Variants in PATJ observed in about 807,000 individuals in gnomAD.
The protein encoded by PATJ is inaD-like protein.
PATJ carries 190 observed loss-of-function variants against 224.9 expected under a neutral mutation model. The observed-to-expected ratio is 0.84, with a 90% CI of 0.75 to 0.95. PATJ has a LOEUF of 0.95. PATJ is among the 40% of genes least tolerant of loss of function. The pLI is 0.00. For missense variants in PATJ, 2,121 were observed against 2,270.3 expected (o/e 0.93, Z 1.34); for synonymous variants, 769 against 820.3 (o/e 0.94, Z 1.07).
intron 33 of PATJ, among the ~76,000 whole-genome samples, chr1:62,093,925 A>G (rs1398838015): frequency 6.6e-6 from 1 of 152,230 alleles, no homozygotes; most frequent in Admixed American, 6.5e-5. Flanking sequence ...GAGCTTAAGA[A>G]GAGAAAACTT....
chr1:62,043,136 C>G (rs552646249), intron 30 of PATJ, among the ~76,000 whole-genome samples: 1 of 152,132 alleles, frequency 6.6e-6, no homozygotes, highest in Non-Finnish European at 1.5e-5. Flanking sequence ...TTGGTAGAGG[C>G]AGTTAACCTC....
intron 13 of PATJ, among the ~76,000 whole-genome samples, chr1:61,806,953 A>G (rs191268620): frequency 1.1e-3 from 160 of 152,112 alleles, no homozygotes; most frequent in African/African-American, 3.8e-3. Context: ...GGAGTCTGAG[A>G]CCAGCCTGGC....
intron 33 of PATJ, among the ~76,000 whole-genome samples, chr1:62,099,047 C>T (rs1378675870): frequency 6.6e-6 from 1 of 152,054 alleles, no homozygotes; most frequent in Non-Finnish European, 1.5e-5. Context: ...TAATGCATAA[C>T]CATGTGTTTT....
intron 42 of PATJ, among the ~76,000 whole-genome samples, chr1:62,150,621 G>A (rs1440950224): frequency 1.4e-5 from 2 of 145,824 alleles, no homozygotes; most frequent in South Asian, 2.2e-4. Flanking sequence ...AGGCTGCAAC[G>A]GGCTGCAGTT....
At chr1:62,160,351 A>G (rs1387626734) in intron 43 of PATJ, among the ~76,000 whole-genome samples, 4 of 152,306 alleles carry the variant, frequency 2.6e-5, no homozygotes, top group African/African-American at 9.6e-5. Flanking sequence ...AATATATTAC[A>G]AAATTTTAGA....
chr1:62,106,531 G>A lies in PATJ; in HGVS notation c.4378-1906G>A, dbSNP rs1663072997. ...AGGTTTGGTGTGGGTGTGAGTGTGG[G>A]TAGGTGTGTGTATTTTGTCTATCTT... On this transcript the variant is annotated intron_variant, in intron 33 of 43. Coordinates refer to ENST00000642238, the MANE Select transcript of PATJ (RefSeq NM_001350145.3). 2.6e-5 allele frequency among the ~76,000 whole-genome samples: 4 copies of A among 151,908 alleles called. No homozygotes were observed. The South Asian group carries it at 6.3e-4, about 24-fold the overall frequency.
rs775754273 is a variant in PATJ, at chr1:62,116,578, G to C, written c.4702G>C (p.Ala1568Pro). The C allele has an allele frequency of 6.2e-7, 1 of 1,613,994 alleles. No individual in the cohort carries two copies. Among genetic ancestry groups the C allele is most frequent in the Admixed American group, 1.7e-5 (1 of 59,992 alleles). ...FISDIVKGGA[A>P]DLDGRLIQGD... Reference sequence around the variant, plus strand: ...TTCTGACATCGTGAAAGGCGGAGCCGCAGACCTGGATGGGAGATTGATTCA... The same window carrying C: ...TTCTGACATCGTGAAAGGCGGAGCCCCAGACCTGGATGGGAGATTGATTCA... The change falls in exon 36 of 44, where the codon GCA becomes CCA. Residue 1568 changes from alanine to proline, a missense_variant. Transcript: ENST00000642238.
intron 27 of PATJ, among the ~76,000 whole-genome samples, chr1:61,967,169 A>C (rs867348114): frequency 3.3e-5 from 5 of 152,148 alleles, no homozygotes; most frequent in African/African-American, 1.2e-4. Flanking sequence ...TTGCATGGAG[A>C]GGATTAAAAA....
At chr1:62,144,795 T>TAA (rs1198242988) in intron 41 of PATJ, among the ~76,000 whole-genome samples, 12 of 146,258 alleles carry the variant, frequency 8.2e-5, no homozygotes, top group Non-Finnish European at 1.5e-5. Context: ...TATATATATA[T>TAA]AATTAGCAGA....
At chr1:61,952,814 A>G (rs932521348) in intron 27 of PATJ, among the ~76,000 whole-genome samples, 13 of 152,234 alleles carry the variant, frequency 8.5e-5, no homozygotes, top group African/African-American at 2.9e-4. Context: ...TCACCATAAT[A>G]AAAAGGGAAG....
intron 3 of PATJ, among the ~76,000 whole-genome samples, chr1:61,763,982 T>TTGTG (rs1006547930): frequency 4.6e-5 from 7 of 150,588 alleles, no homozygotes; most frequent in Non-Finnish European, 1.0e-4. Flanking sequence ...AAGTCTTTTT[T>TTGTG]TGTGTGTGTG....
intron 26 of PATJ, 126 bp downstream of exon 26, chr1:61,914,790 T>C (rs1673212933): frequency 2.0e-6 from 1 of 503,134 alleles, no homozygotes. Context: ...ACTATATTTA[T>C]AATTTTTTTC....
At chr1:61,841,978 C>T (rs902556316) in intron 17 of PATJ, among the ~76,000 whole-genome samples, 24 of 152,114 alleles carry the variant, frequency 1.6e-4, no homozygotes, top group African/African-American at 5.8e-4. Flanking sequence ...AAAAATAATT[C>T]TTAGTGGTGT....
intron 33 of PATJ, among the ~76,000 whole-genome samples, chr1:62,096,140 C>T (rs1661370832): frequency 6.6e-6 from 1 of 152,110 alleles, no homozygotes; most frequent in Non-Finnish European, 1.5e-5. Context: ...TTTACCTGTT[C>T]AACTATGCAG....
intron 28 of PATJ, among the ~76,000 whole-genome samples, chr1:62,005,489 C>G (rs1466561054): frequency 6.7e-6 from 1 of 149,798 alleles, no homozygotes; most frequent in Non-Finnish European, 1.5e-5. Context: ...TTGGGCCAGG[C>G]ACAGTGGCTC....
chr1:61,997,258 C>T (rs149094342), intron 28 of PATJ, among the ~76,000 whole-genome samples: 2,016 of 152,242 alleles, frequency 0.013, 52 homozygotes, highest in African/African-American at 0.045. Flanking sequence ...CTGAATATGA[C>T]CTTCCCATAT....
chr1:61,952,336 C>T, intron 27 of PATJ: 3 of 697,572 alleles, frequency 4.3e-6, no homozygotes, highest in South Asian at 1.5e-5. Context: ...ATTTGAGCTG[C>T]GTCCAGCATT....
At chr1:61,965,054 G>A (rs1681891358) in intron 27 of PATJ, among the ~76,000 whole-genome samples, 1 of 137,986 alleles carries the variant, frequency 7.2e-6, no homozygotes, top group Non-Finnish European at 1.6e-5. Flanking sequence ...GGAGGCTGCA[G>A]TGACGTGAGC....
intron 27 of PATJ, among the ~76,000 whole-genome samples, chr1:61,971,781 C>G (rs1055111381): frequency 2.6e-5 from 4 of 151,832 alleles, no homozygotes; most frequent in African/African-American, 9.7e-5. Flanking sequence ...ATTGCATGAT[C>G]CCAGGAGTTT....
Sources: allele counts gnomAD v4.1 joint callset (sites outside exome capture counted in the v4.1 genomes callset), GRCh38; gene constraint gnomAD v4.1.1; transcripts MANE v1.5; gene names NCBI Gene and HGNC (gene_info 2026-07-23, HGNC 2026-07-21).